Variants in ZC3H13 observed in about 807,000 individuals in gnomAD.
ZC3H13 encodes the protein zinc finger CCCH domain-containing protein 13.
A neutral mutation model predicts 204.1 loss-of-function variants in ZC3H13; 64 were observed. The observed-to-expected ratio is 0.31, with a 90% CI of 0.26 to 0.39. The LOEUF (loss-of-function observed/expected upper bound fraction) is 0.39, where lower values mean the gene tolerates loss of function less well. Ranked by LOEUF, ZC3H13 falls within the 10% of genes least tolerant of loss-of-function variation. The pLI, the probability that ZC3H13 is intolerant of heterozygous loss-of-function variation, is 1.00. For synonymous variants in ZC3H13, 667 were observed against 693.7 expected, an observed-to-expected ratio of 0.96 and a Z score of 0.60; for missense variants, 1,833 against 2,082.7, an observed-to-expected ratio of 0.88 and a Z score of 2.33.
At chr13:46,014,942 TAA>T (rs989865664) in intron 5 of ZC3H13, among the ~76,000 whole-genome samples, 3 of 152,208 alleles carry the variant, frequency 2.0e-5, no homozygotes, top group Non-Finnish European at 2.9e-5. Flanking sequence ...GTAGCTTACT[TAA>T]AAGAGTTTCC....
intron 17 of ZC3H13, 195 bp downstream of exon 17, chr13:45,963,647 G>C: frequency 7.1e-7 from 1 of 1,399,512 alleles, no homozygotes; most frequent in Non-Finnish European, 9.3e-7. Flanking sequence ...CTTTTCTGTG[G>C]GATAACTCTT....
In ZC3H13 at chr13:46,020,566, G is replaced by GTACA; in HGVS notation, c.340-13_340-10dup. ...CCTCTTGAAGATTCTTTCTAAAAAAGTACATACATACATTCAGATTACTAT... is the reference window on the plus strand; with the variant it reads ...CCTCTTGAAGATTCTTTCTAAAAAAGTACATACATACATACATTCAGATTACTAT... On this transcript the variant is annotated splice_polypyrimidine_tract_variant and intron_variant, in intron 4 of 18. Transcript: ENST00000679008. 6.5e-7 allele frequency: 1 copy of GTACA among 1,548,520 alleles called. No homozygotes were observed. Among genetic ancestry groups the GTACA allele is most frequent in the Non-Finnish European group, 8.9e-7 (1 of 1,129,870 alleles).
At chr13:45,992,426 A>G (rs539271610) in intron 8 of ZC3H13, among the ~76,000 whole-genome samples, 2 of 152,336 alleles carry the variant, frequency 1.3e-5, no homozygotes, top group African/African-American at 2.4e-5. Flanking sequence ...CTTGTCATAT[A>G]TTAACTCACT....
intron 12 of ZC3H13, among the ~76,000 whole-genome samples, chr13:45,973,477 G>C (rs1952757724): frequency 6.6e-6 from 1 of 152,106 alleles, no homozygotes; most frequent in African/African-American, 2.4e-5. Context: ...GATATCAGAA[G>C]CATGAAAAAA....
chr13:46,033,463 A>G (rs1256386654), intron 4 of ZC3H13, among the ~76,000 whole-genome samples: 1 of 151,856 alleles, frequency 6.6e-6, no homozygotes, highest in Non-Finnish European at 1.5e-5. Context: ...GCAAATGAAT[A>G]ATGTCAACAG....
chr13:46,051,491 C>T (rs1482575209), intron 1 of ZC3H13, among the ~76,000 whole-genome samples: 1 of 152,082 alleles, frequency 6.6e-6, no homozygotes. Flanking sequence ...ATTCACAAAA[C>T]GCTCCAATAT....
At chr13:45,965,565 TA>T (rs1952013341) in intron 15 of ZC3H13, 133 bp from the exon 16 acceptor site, 3 of 759,238 alleles carry the variant, frequency 4.0e-6, no homozygotes, top group Non-Finnish European at 3.8e-6. Flanking sequence ...CTGTATCTCT[TA>T]ATTATTCAAA....
At chr13:45,988,713 TC>T in intron 9 of ZC3H13, 73 bp downstream of exon 9, 11 of 1,492,478 alleles carry the variant, frequency 7.4e-6, no homozygotes, top group Non-Finnish European at 9.9e-6. Flanking sequence ...GCAAAGTCTT[TC>T]TCCATCTCTT....
In ZC3H13 at chr13:46,020,574, A is replaced by T. The variant is rs1355191316; in HGVS notation, c.340-17T>A. The T allele has an allele frequency of 6.7e-7, 1 of 1,488,274 alleles. No homozygotes were observed. Among genetic ancestry groups the T allele is most frequent in the African/African-American group, 1.4e-5 (1 of 70,138 alleles). The allele number at this position is 1,488,274 out of a possible 1,614,324, so 92.2% of individuals were successfully genotyped here. A position where few individuals can be genotyped will look rare whatever the true frequency, so the allele number is the denominator to read the frequency against. On this transcript the variant is annotated splice_polypyrimidine_tract_variant and intron_variant, in intron 4 of 18. Transcript: ENST00000679008. ...AGATTCTTTCTAAAAAAGTACATAC[A>T]TACATTCAGATTACTATATTTTTAA...
chr13:46,016,069 C>G (rs1041811232), intron 5 of ZC3H13, among the ~76,000 whole-genome samples: 1 of 151,998 alleles, frequency 6.6e-6, no homozygotes, highest in Admixed American at 6.6e-5. Context: ...ACTAAAACCA[C>G]AGTAAGATAC....
At position 45,955,663 on chromosome 13, in the gene ZC3H13, A is replaced by AGGTCATACATTTTTT. The variant is rs1387316754; in HGVS notation, c.*1449_*1463dup. On this transcript the variant is annotated 3_prime_UTR_variant, in exon 19 of 19. Coordinates refer to ENST00000679008, the MANE Select transcript of ZC3H13 (RefSeq NM_001330564.2). ...CTTCCTGAAGGGTATTCATTCTCTGAGGTCATACATTTTTTTTTTCTTTAT... is the reference window on the plus strand; with the variant it reads ...CTTCCTGAAGGGTATTCATTCTCTGAGGTCATACATTTTTTGGTCATACATTTTTTTTTTCTTTAT... The AGGTCATACATTTTTT allele has an allele frequency of 2.0e-5, 3 of 152,098 alleles. No homozygotes were observed. The highest frequency in any genetic ancestry group is 2.9e-5 in the Non-Finnish European group (2 of 67,978). The allele number at this position is 152,098 out of a possible 1,614,324, so 9.4% of individuals were successfully genotyped here.
chr13:45,962,151 T>C, intron 17 of ZC3H13: 1 of 985,030 alleles, frequency 1.0e-6, no homozygotes, highest in South Asian at 4.7e-5. Flanking sequence ...TAGCAGAAAA[T>C]ATAGATAGAT....
chr13:46,046,111 T>C (rs1377499311), intron 1 of ZC3H13, among the ~76,000 whole-genome samples: 1 of 152,128 alleles, frequency 6.6e-6, no homozygotes, highest in African/African-American at 2.4e-5. Flanking sequence ...ATATTTATTT[T>C]CCAGTAACAC....
chr13:45,960,020 C>T (rs754129540), intron 17 of ZC3H13, among the ~76,000 whole-genome samples: 2 of 152,012 alleles, frequency 1.3e-5, no homozygotes, highest in African/African-American at 2.4e-5. Context: ...GGCACGACCT[C>T]GGCTCACTGA....
chr13:46,045,108 G>GA (rs369478096), intron 2 of ZC3H13, 44 bp from the exon 3 acceptor site: 16,125 of 1,305,478 alleles, frequency 0.012, no homozygotes, highest in South Asian at 0.017. Context: ...TTTATTTCTG[G>GA]AAAAAAAAAA....
At chr13:45,964,882 T>C (rs539125726) in intron 16 of ZC3H13, among the ~76,000 whole-genome samples, 1 of 152,320 alleles carries the variant, frequency 6.6e-6, no homozygotes, top group African/African-American at 2.4e-5. Context: ...TAATTTCAAC[T>C]ACTGTAAATT....
At chr13:45,965,934 G>A (rs1480840952) in intron 15 of ZC3H13, among the ~76,000 whole-genome samples, 1 of 152,068 alleles carries the variant, frequency 6.6e-6, no homozygotes, top group Non-Finnish European at 1.5e-5. Flanking sequence ...CAACAGTGAG[G>A]TAAAAATACA....
rs1344850982 is a variant in ZC3H13, at chr13:45,969,984, T to C, written c.2573-13A>G. ...CTGTGTTTTTCATCTATATAAAAGA[T>C]AAAAGCAATCACACTCTCACCAGGT... On this transcript the variant is annotated splice_polypyrimidine_tract_variant and intron_variant, in intron 13 of 18. Transcript: ENST00000679008. 7 of 1,590,444 alleles carry C rather than the reference T, an allele frequency of 4.4e-6. No homozygotes were observed. Among genetic ancestry groups the C allele is most frequent in the Non-Finnish European group, 6.0e-6 (7 of 1,172,234 alleles).
At chr13:45,981,810 T>C (rs1049279848) in intron 10 of ZC3H13, among the ~76,000 whole-genome samples, 11 of 146,878 alleles carry the variant, frequency 7.5e-5, no homozygotes, top group South Asian at 6.4e-4. Context: ...TAGGTGGGAA[T>C]TGAACAATGA....
Sources: gnomAD v4.1 joint callset for allele counts (sites outside exome capture counted in the v4.1 genomes callset) on GRCh38, gnomAD v4.1.1 for gene constraint, MANE v1.5 for transcripts, NCBI Gene and HGNC (gene_info 2026-07-23, HGNC 2026-07-21) for gene names.